KCNK13: variants seen among roughly 807,000 people sequenced by gnomAD.
KCNK13 encodes the protein potassium two pore domain channel subfamily K member 13.
KCNK13 carries 12 observed loss-of-function variants against 23.4 expected under a neutral mutation model. The observed-to-expected ratio is 0.51, with a 90% CI of 0.33 to 0.83. The LOEUF (loss-of-function observed/expected upper bound fraction) is 0.83, where lower values mean the gene tolerates loss of function less well. Ranked by LOEUF, KCNK13 falls within the 40% of genes least tolerant of loss-of-function variation. KCNK13 has a pLI of 0.02. For synonymous variants in KCNK13, 231 were observed against 229.5 expected (o/e 1.01, Z -0.06); for missense variants, 463 against 556.3 (o/e 0.83, Z 1.69).
At chr14:90,176,599 T>C (rs1011838715) in intron 1 of KCNK13, among the ~76,000 whole-genome samples, 1 of 152,220 alleles carries the variant, frequency 6.6e-6, no homozygotes, top group Non-Finnish European at 1.5e-5. Context: ...GGAAAGTATA[T>C]GCAAGTCAAG....
At chr14:90,082,091 T>A (rs1207318197) in intron 1 of KCNK13, among the ~76,000 whole-genome samples, 1 of 152,204 alleles carries the variant, frequency 6.6e-6, no homozygotes, top group Non-Finnish European at 1.5e-5. Context: ...AAACAGAGTC[T>A]CACTTTGTTG....
chr14:90,067,076 C>T lies in KCNK13; in HGVS notation c.334+4537C>T, dbSNP rs369637627. ...ACGAGGTCAGGAGTTCGAGACCAGC[C>T]TGGCCAATATGGTGAAACCCTGTCT... On this transcript the variant is annotated intron_variant, in intron 1 of 1. Transcript: ENST00000282146. Among the ~76,000 whole-genome samples, 24 of 152,334 alleles carry T rather than the reference C, an allele frequency of 1.6e-4. No homozygotes were observed. The East Asian group carries it at 3.3e-3, about 21-fold the overall frequency.
intron 1 of KCNK13, among the ~76,000 whole-genome samples, chr14:90,065,859 G>A (rs1370851529): frequency 6.6e-6 from 1 of 152,214 alleles, no homozygotes; most frequent in Admixed American, 6.5e-5. Context: ...GGAAGGCAGA[G>A]AACCAGCAAG....
intron 1 of KCNK13, among the ~76,000 whole-genome samples, chr14:90,109,857 C>CT (rs1889593980): frequency 1.3e-5 from 2 of 151,968 alleles, no homozygotes; most frequent in African/African-American, 4.8e-5. Flanking sequence ...CACAGGCATG[C>CT]ACTACCACGA....
chr14:90,154,839 C>G (rs1319076325), intron 1 of KCNK13, among the ~76,000 whole-genome samples: 2 of 152,126 alleles, frequency 1.3e-5, no homozygotes, highest in East Asian at 3.8e-4. Context: ...ATTGCATTGG[C>G]AAATTTAGGT....
chr14:90,127,646 T>A (rs1889817093), intron 1 of KCNK13, among the ~76,000 whole-genome samples: 2 of 60,266 alleles, frequency 3.3e-5, no homozygotes. Flanking sequence ...GACCCCCAAC[T>A]CTAAAAAAAA....
At chr14:90,118,051 A>C (rs1889696832) in intron 1 of KCNK13, among the ~76,000 whole-genome samples, 1 of 152,210 alleles carries the variant, frequency 6.6e-6, no homozygotes. Flanking sequence ...TATTACTTGC[A>C]GCAAGTAAGA....
chr14:90,140,806 C>T (rs570327266), intron 1 of KCNK13, among the ~76,000 whole-genome samples: 1 of 152,202 alleles, frequency 6.6e-6, no homozygotes, highest in East Asian at 1.9e-4. Flanking sequence ...CTCCCCGGGG[C>T]GCAGTGGATG....
At chr14:90,164,876 G>A (rs954340276) in intron 1 of KCNK13, among the ~76,000 whole-genome samples, 5 of 152,170 alleles carry the variant, frequency 3.3e-5, no homozygotes, top group African/African-American at 1.2e-4. Context: ...GCCTGTATTA[G>A]TTTGTTTTTA....
chr14:90,122,910 C>A (rs1380722737), intron 1 of KCNK13, among the ~76,000 whole-genome samples: 1 of 152,184 alleles, frequency 6.6e-6, no homozygotes, highest in Admixed American at 6.5e-5. Flanking sequence ...GATTTCCCAG[C>A]ACGGTTCCGT....
At chr14:90,164,482 A>T (rs1434524266) in intron 1 of KCNK13, among the ~76,000 whole-genome samples, 1 of 152,168 alleles carries the variant, frequency 6.6e-6, no homozygotes, top group Non-Finnish European at 1.5e-5. Flanking sequence ...GAAGAAAGAG[A>T]CTAGAAAAGA....
intron 1 of KCNK13, among the ~76,000 whole-genome samples, chr14:90,133,652 G>A (rs967874212): frequency 6.7e-6 from 1 of 149,682 alleles, no homozygotes; most frequent in African/African-American, 2.5e-5. Flanking sequence ...GAGCTAGCAA[G>A]TAACAGAGCT....
intron 1 of KCNK13, among the ~76,000 whole-genome samples, chr14:90,136,486 A>C (rs116504996): frequency 1.3e-5 from 2 of 151,854 alleles, no homozygotes; most frequent in African/African-American, 2.4e-5. Flanking sequence ...CAGGGACACA[A>C]GTGAATTGAT....
intron 1 of KCNK13, among the ~76,000 whole-genome samples, chr14:90,174,490 A>T (rs535519988): frequency 2.6e-5 from 4 of 152,220 alleles, no homozygotes; most frequent in African/African-American, 9.6e-5. Flanking sequence ...CTCAGAGCCA[A>T]ACCATATCAC....
chr14:90,102,274 G>A (rs1889491443), intron 1 of KCNK13, among the ~76,000 whole-genome samples: 1 of 152,182 alleles, frequency 6.6e-6, no homozygotes, highest in Non-Finnish European at 1.5e-5. Flanking sequence ...AAGGCAGAAT[G>A]TACAGCTGTG....
intron 1 of KCNK13, among the ~76,000 whole-genome samples, chr14:90,154,958 A>G (rs1890177710): frequency 6.6e-6 from 1 of 152,266 alleles, no homozygotes; most frequent in Admixed American, 6.5e-5. Flanking sequence ...TTCAGGCATC[A>G]TCCTAGGCTC....
intron 1 of KCNK13, among the ~76,000 whole-genome samples, chr14:90,118,873 A>G (rs1889705800): frequency 6.6e-6 from 1 of 152,164 alleles, no homozygotes; most frequent in African/African-American, 2.4e-5. Flanking sequence ...TGAAAAAATT[A>G]CTAAGATAGA....
chr14:90,069,670 C>T (rs1377394803), intron 1 of KCNK13, among the ~76,000 whole-genome samples: 2 of 140,650 alleles, frequency 1.4e-5, no homozygotes, highest in African/African-American at 2.6e-5. Context: ...ATGAGGCATT[C>T]AGAAAGAATA....
chr14:90,128,921 C>T (rs552455215), intron 1 of KCNK13, among the ~76,000 whole-genome samples: 1 of 152,206 alleles, frequency 6.6e-6, no homozygotes, highest in Non-Finnish European at 1.5e-5. Flanking sequence ...AGGACGGAGG[C>T]ATTATCAGTA....
Sources: gnomAD v4.1 joint callset for allele counts (sites outside exome capture counted in the v4.1 genomes callset) on GRCh38, gnomAD v4.1.1 for gene constraint, MANE v1.5 for transcripts, NCBI Gene and HGNC (gene_info 2026-07-23, HGNC 2026-07-21) for gene names.